NF1: variants seen among roughly 807,000 people sequenced by gnomAD.
NF1 encodes the protein neurofibromin 1, also known as neurofibromin.
NF1 carries 122 observed loss-of-function variants against 325.7 expected under a neutral mutation model. That is an observed-to-expected ratio of 0.37 (90% confidence interval 0.32 to 0.44). The LOEUF is 0.44. NF1 is among the 20% of genes least tolerant of loss of function. NF1 has a pLI of 1.00. For missense variants in NF1, 2,140 were observed against 3,415.4 expected, an observed-to-expected ratio of 0.63 and a Z score of 9.31; for synonymous variants, 1,091 against 1,186.0, an observed-to-expected ratio of 0.92 and a Z score of 1.65.
intron 51 of NF1, among the ~76,000 whole-genome samples, chr17:31,354,690 G>T (rs910334948): frequency 6.6e-6 from 1 of 152,120 alleles, no homozygotes; most frequent in Non-Finnish European, 1.5e-5. Context: ...CAGGAGCAAT[G>T]GGAGAATGGA....
At position 31,230,704 on chromosome 17, in the gene NF1, A is replaced by G. The variant is rs1273869415; in HGVS notation, c.3114-138A>G. On this transcript the variant is annotated intron_variant, in intron 23 of 57. Transcript: ENST00000358273. ...TGGCTTTTATGTCTGTGATAGCAGT[A>G]TCTCTTTTATAAAGTCGTCATGTCA... is the stretch of plus-strand genomic sequence containing the variant. 4.1e-6 allele frequency: 3 copies of G among 735,228 alleles called. No homozygotes were observed. In the African/African-American group the frequency reaches 5.2e-5, roughly 13 times the overall value. 45.5% of individuals were successfully genotyped at this position (735,228 alleles called of 1,614,324 possible).
chr17:31,329,178 T>C (rs1230643854), intron 38 of NF1, among the ~76,000 whole-genome samples: 1 of 152,142 alleles, frequency 6.6e-6, no homozygotes. Flanking sequence ...ACTAAAAGTT[T>C]TTTAAAAAAG....
chr17:31,245,742 C>T (rs1196114062), intron 29 of NF1, among the ~76,000 whole-genome samples: 2 of 152,130 alleles, frequency 1.3e-5, no homozygotes, highest in African/African-American at 2.4e-5. Flanking sequence ...TCTATGTGTT[C>T]GGCAACCTGG....
rs189487695 is a variant in NF1, at chr17:31,314,147, C to T, written c.4836-11673C>T. 67 of 395,844 alleles carry T rather than the reference C, an allele frequency of 1.7e-4. No homozygotes were observed. The East Asian group carries it at 2.3e-3, about 13-fold the overall frequency. The allele number at this position is 395,844 out of a possible 1,614,324, so 24.5% of individuals were successfully genotyped here. ...GAGGAAGTTTATCAATAGCTGGTTC[C>T]GGAAGTGCAATAAACCACAAAGTGA... On this transcript the variant is annotated intron_variant, in intron 36 of 57. Transcript: ENST00000358273.
chr17:31,337,673 T>C, intron 43 of NF1, 91 bp downstream of exon 43: 1 of 1,424,070 alleles, frequency 7.0e-7, no homozygotes, highest in Non-Finnish European at 9.7e-7. Context: ...TTTATTGTGC[T>C]ATTTTGTACT....
chr17:31,212,637 G>A (rs1215937999), intron 12 of NF1, among the ~76,000 whole-genome samples: 1 of 152,168 alleles, frequency 6.6e-6, no homozygotes, highest in Non-Finnish European at 1.5e-5. Context: ...CTGAACCCGG[G>A]AGGCAGAGGT....
chr17:31,164,108 A>G (rs1597637030), intron 4 of NF1, among the ~76,000 whole-genome samples: 1 of 152,346 alleles, frequency 6.6e-6, no homozygotes, highest in East Asian at 1.9e-4. Context: ...AAAAAAGTTC[A>G]GGTGATGTGC....
chr17:31,221,760 G>A (rs1435804697), intron 14 of NF1, 90 bp from the exon 15 acceptor site: 2 of 866,186 alleles, frequency 2.3e-6, no homozygotes, highest in Non-Finnish European at 3.8e-6. Context: ...CAATTTCTTA[G>A]CATTTATAAA....
rs150702919 is a variant in NF1, at chr17:31,375,636, A to G, written c.*1481A>G. 254 of 232,886 alleles carry G rather than the reference A, an allele frequency of 1.1e-3. 1 individual carries two copies. The highest frequency in any genetic ancestry group is 5.1e-3 in the African/African-American group (234 of 45,456). The allele number at this position is 232,886 out of a possible 1,614,324, so 14.4% of individuals were successfully genotyped here. A position where few individuals can be genotyped will look rare whatever the true frequency, so the allele number is the denominator to read the frequency against. The stretch of plus-strand genomic sequence containing the variant: ...AGATATAATGGCTTTGAGGGGGGAA[A>G]AAATAAACCTAGGGGAGAGGGGAGT... On this transcript the variant is annotated 3_prime_UTR_variant, in exon 58 of 58. Coordinates refer to ENST00000358273, the MANE Select transcript of NF1 (RefSeq NM_001042492.3).
rs573171481 is a variant in NF1 at position 31,179,330 on chromosome 17, C to T, written c.587-2092C>T. On this transcript the variant is annotated intron_variant, in intron 5 of 57. Transcript: ENST00000358273. ...TGAAACCAATGAGAAAAATACACAACGTACCAAAACCTCTGGGATACATTT... is the reference window on the plus strand; with the variant it reads ...TGAAACCAATGAGAAAAATACACAATGTACCAAAACCTCTGGGATACATTT... 9.9e-5 allele frequency among the ~76,000 whole-genome samples: 15 copies of T among 152,248 alleles called. No individual in the cohort carries two copies. In the East Asian group the frequency reaches 2.3e-3, roughly 23 times the overall value.
At chr17:31,304,853 A>T (rs2068666144) in intron 36 of NF1, 1 of 1,613,998 alleles carries the variant, frequency 6.2e-7, no homozygotes, top group African/African-American at 1.3e-5. Flanking sequence ...TTATCCATAC[A>T]AATGTCAGGG....
Position 31,305,049 on chromosome 17 carries a change from A to G in NF1, c.4836-20771A>G, listed in dbSNP as rs760975277. The G allele has an allele frequency of 1.2e-5, 19 of 1,614,216 alleles. No individual in the cohort carries two copies. The South Asian group carries it at 2.1e-4, about 18-fold the overall frequency. On this transcript the variant is annotated intron_variant, in intron 36 of 57. Coordinates refer to ENST00000358273, the MANE Select transcript of NF1 (RefSeq NM_001042492.3). ...GTGGGGTTTGTTTGTTACTGGTAGT[A>G]TCTAAGATAAATCCTGGTGTACTCC... is the stretch of plus-strand genomic sequence containing the variant.
chr17:31,341,765 T>C (rs2069831910), intron 47 of NF1, among the ~76,000 whole-genome samples: 1 of 152,044 alleles, frequency 6.6e-6, no homozygotes, highest in Non-Finnish European at 1.5e-5. Flanking sequence ...TCTTAGTTCC[T>C]TTCTAATTTG....
chr17:31,279,419 G>C (rs1012769637), intron 36 of NF1, among the ~76,000 whole-genome samples: 1 of 152,222 alleles, frequency 6.6e-6, no homozygotes, highest in African/African-American at 2.4e-5. Context: ...TTTAAAAGTA[G>C]AACATTTAAA....
At chr17:31,334,229 G>A (rs1373894472) in intron 39 of NF1, among the ~76,000 whole-genome samples, 3 of 151,796 alleles carry the variant, frequency 2.0e-5, no homozygotes, top group South Asian at 4.2e-4. Flanking sequence ...CCCGGGAGGC[G>A]GAACTTGCAG....
chr17:31,228,929 C>A, intron 20 of NF1, 96 bp from the exon 21 acceptor site: 1 of 988,488 alleles, frequency 1.0e-6, no homozygotes, highest in South Asian at 1.7e-5. Context: ...ATTTTTTGTA[C>A]TTTTGTCATG....
chr17:31,274,534 T>A (rs1053142881), intron 36 of NF1, among the ~76,000 whole-genome samples: 25 of 152,142 alleles, frequency 1.6e-4, no homozygotes, highest in African/African-American at 6.0e-4. Context: ...ATCTTATTTA[T>A]ATGGTACATA....
intron 1 of NF1, among the ~76,000 whole-genome samples, chr17:31,096,291 A>G (rs1911713761): frequency 6.6e-6 from 1 of 150,650 alleles, no homozygotes; most frequent in South Asian, 2.1e-4. Flanking sequence ...CCTGGAGCGG[A>G]TCATTCTGCT....
At chr17:31,149,519 C>T (rs532615621) in intron 1 of NF1, among the ~76,000 whole-genome samples, 1 of 152,114 alleles carries the variant, frequency 6.6e-6, no homozygotes, top group African/African-American at 2.4e-5. Flanking sequence ...AGGCTGGTCT[C>T]GATTGCCTGC....
Sources: allele counts gnomAD v4.1 joint callset (sites outside exome capture counted in the v4.1 genomes callset), GRCh38; gene constraint gnomAD v4.1.1; transcripts MANE v1.5; gene names NCBI Gene and HGNC (gene_info 2026-07-23, HGNC 2026-07-21).